Variants in SPTLC3 observed in about 807,000 individuals in gnomAD.
SPTLC3 encodes the protein serine palmitoyltransferase long chain base subunit 3, also known as serine palmitoyltransferase 3.
SPTLC3 carries 36 observed loss-of-function variants against 59.3 expected under a neutral mutation model. The ratio of observed to expected loss-of-function variants is 0.61; its 90% CI spans 0.47 to 0.80. The LOEUF is 0.80. SPTLC3 is among the 30% of genes least tolerant of loss of function. The pLI is 0.00. For missense variants in SPTLC3, 625 were observed against 685.1 expected, an observed-to-expected ratio of 0.91 and a Z score of 0.98; for synonymous variants, 257 against 240.8, an observed-to-expected ratio of 1.07 and a Z score of -0.62.
intron 9 of SPTLC3, among the ~76,000 whole-genome samples, chr20:13,153,383 C>A (rs2038693730): frequency 6.6e-6 from 1 of 152,126 alleles, no homozygotes. Context: ...CCAATGTTGT[C>A]CTTTTTTCTG....
At chr20:13,101,896 G>C (rs1356356856) in intron 6 of SPTLC3, among the ~76,000 whole-genome samples, 1 of 152,068 alleles carries the variant, frequency 6.6e-6, no homozygotes, top group African/African-American at 2.4e-5. Flanking sequence ...AGGCAACCTC[G>C]GTCCTCAAGT....
At chr20:13,133,863 C>T (rs559566611) in intron 9 of SPTLC3, among the ~76,000 whole-genome samples, 10 of 152,294 alleles carry the variant, frequency 6.6e-5, no homozygotes, top group African/African-American at 2.2e-4. Context: ...CACTTAACAT[C>T]CTTTCCCTAA....
At chr20:13,072,609 T>G (rs1988486410) in intron 3 of SPTLC3, among the ~76,000 whole-genome samples, 199 bp downstream of exon 3, 1 of 152,158 alleles carries the variant, frequency 6.6e-6, no homozygotes, top group Admixed American at 6.5e-5. Context: ...GTGGCTTTTT[T>G]GTATTGTAAT....
chr20:13,153,199 C>A (rs1185620944), intron 9 of SPTLC3, among the ~76,000 whole-genome samples: 1 of 152,204 alleles, frequency 6.6e-6, no homozygotes, highest in Non-Finnish European at 1.5e-5. Context: ...GAAGCAGGAC[C>A]CGAGTAGACA....
intron 4 of SPTLC3, 84 bp downstream of exon 4, chr20:13,074,581 G>A: frequency 4.2e-6 from 6 of 1,411,880 alleles, no homozygotes; most frequent in Non-Finnish European, 3.8e-6. Context: ...ATCATATTTG[G>A]ACTGTGTCCC....
At chr20:13,069,052 A>C (rs1379966362) in intron 2 of SPTLC3, among the ~76,000 whole-genome samples, 2 of 151,666 alleles carry the variant, frequency 1.3e-5, no homozygotes, top group African/African-American at 4.8e-5. Context: ...ATGCATCTTC[A>C]TGTGGCATGG....
chr20:13,128,609 G>T (rs1347002215), intron 9 of SPTLC3, among the ~76,000 whole-genome samples: 1 of 152,166 alleles, frequency 6.6e-6, no homozygotes, highest in Non-Finnish European at 1.5e-5. Flanking sequence ...CTGAAAAGAG[G>T]TAGGGGTAAA....
chr20:13,018,055 T>C (rs904635123), intron 1 of SPTLC3, among the ~76,000 whole-genome samples: 3 of 152,182 alleles, frequency 2.0e-5, no homozygotes, highest in Non-Finnish European at 4.4e-5. Context: ...ACTGTGTGAG[T>C]GATGTATCTT....
chr20:13,144,797 C>T (rs575819212), intron 9 of SPTLC3, among the ~76,000 whole-genome samples: 14 of 152,018 alleles, frequency 9.2e-5, no homozygotes, highest in Admixed American at 4.6e-4. Context: ...TTTTTTGAGA[C>T]GGAGTCTCGC....
rs576746986 is a variant in SPTLC3, at chr20:13,011,338, C to G, written c.117+1954C>G. ...GCAGTCTGCAAAGGCTTACAGAATC[C>G]TAGGCTGCTGGTCTCCCAAACACGT... On this transcript the variant is annotated intron_variant, in intron 1 of 11. Transcript: ENST00000399002. 8.5e-5 allele frequency among the ~76,000 whole-genome samples: 13 copies of G among 152,264 alleles called. No homozygotes were observed. The South Asian group carries it at 2.7e-3, about 32-fold the overall frequency.
At chr20:13,114,054 A>G (rs1396122686) in intron 7 of SPTLC3, among the ~76,000 whole-genome samples, 1 of 152,228 alleles carries the variant, frequency 6.6e-6, no homozygotes, top group Non-Finnish European at 1.5e-5. Flanking sequence ...GATTAAAACC[A>G]GGTGGCCCTG....
At chr20:13,010,706 C>T (rs145560094) in intron 1 of SPTLC3, among the ~76,000 whole-genome samples, 45 of 152,310 alleles carry the variant, frequency 3.0e-4, no homozygotes, top group African/African-American at 8.2e-4. Context: ...CTACTCAAGA[C>T]GATCCTTGCC....
chr20:13,105,993 T>C (rs1989871145), intron 6 of SPTLC3, among the ~76,000 whole-genome samples: 1 of 152,174 alleles, frequency 6.6e-6, no homozygotes, highest in Admixed American at 6.5e-5. Context: ...GTTTATTAAC[T>C]GAAAATTTCA....
chr20:13,091,015 A>G (rs1989194222), intron 4 of SPTLC3, 68 bp from the exon 5 acceptor site: 15 of 1,592,862 alleles, frequency 9.4e-6, no homozygotes, highest in Non-Finnish European at 1.2e-5. Flanking sequence ...TACGTACTGG[A>G]ATTTGAGTTT....
chr20:13,055,597 C>A (rs73901410), intron 2 of SPTLC3, among the ~76,000 whole-genome samples: 65 of 152,292 alleles, frequency 4.3e-4, no homozygotes, highest in African/African-American at 1.0e-3. Flanking sequence ...TATTTTCTAA[C>A]CTTTCAGTGT....
rs748553288 is a variant in SPTLC3, at chr20:13,110,192, C to G, written c.907C>G (p.Leu303Val). ...PRTRRAWKKI[L>V]ILVEGVYSME... The stretch of plus-strand genomic sequence containing the variant: ...AACCCGCAGAGCTTGGAAAAAGATT[C>G]TCATCCTGGTGGAGGGTGTCTACAG... Residue 303 changes from leucine (L) to valine (V), a missense_variant, in exon 7 of 12, where the codon CTC (leucine) becomes GTC (valine). By Grantham distance (32) the Leu-to-Val change is conservative. Coordinates refer to ENST00000399002, the MANE Select transcript of SPTLC3 (RefSeq NM_018327.4). 6.2e-7 allele frequency: 1 copy of G among 1,613,500 alleles called. No individual in the cohort carries two copies. The highest frequency in any genetic ancestry group is 1.3e-5 in the African/African-American group (1 of 74,866).
chr20:13,131,793 G>A (rs1488426609), intron 9 of SPTLC3, among the ~76,000 whole-genome samples: 1 of 152,074 alleles, frequency 6.6e-6, no homozygotes. Context: ...TTTTTAAAAA[G>A]GAGAAGAAAA....
intron 7 of SPTLC3, among the ~76,000 whole-genome samples, chr20:13,115,609 C>A (rs1246297683): frequency 2.0e-5 from 3 of 152,138 alleles, no homozygotes; most frequent in Non-Finnish European, 4.4e-5. Context: ...TGAGGACCTG[C>A]AGCCATTTAT....
intron 9 of SPTLC3, among the ~76,000 whole-genome samples, chr20:13,148,819 A>G (rs2038577062): frequency 6.6e-6 from 1 of 152,222 alleles, no homozygotes; most frequent in African/African-American, 2.4e-5. Context: ...CAAGCTCTCC[A>G]GATGACTGTG....
Sources: gnomAD v4.1 joint callset for allele counts (sites outside exome capture counted in the v4.1 genomes callset) on GRCh38, gnomAD v4.1.1 for gene constraint, MANE v1.5 for transcripts, NCBI Gene and HGNC (gene_info 2026-07-23, HGNC 2026-07-21) for gene names.